KDSR: variants seen among roughly 807,000 people sequenced by gnomAD.
KDSR encodes the protein 3-dehydrosphinganine reductase.
Under a neutral mutation model 41.3 loss-of-function variants are expected in KDSR, and 23 were observed. That is an observed-to-expected ratio of 0.56 (90% confidence interval 0.40 to 0.79). The LOEUF is 0.79. KDSR is among the 30% of genes least tolerant of loss of function. The pLI, the probability that KDSR is intolerant of heterozygous loss-of-function variation, is 0.00. For synonymous variants in KDSR, 138 were observed against 151.7 expected, an observed-to-expected ratio of 0.91 and a Z score of 0.66; for missense variants, 351 against 416.8, an observed-to-expected ratio of 0.84 and a Z score of 1.37.
chr18:63,335,648 C>A, intron 8 of KDSR: 1 of 258,942 alleles, frequency 3.9e-6, no homozygotes, highest in Non-Finnish European at 7.3e-6. Context: ...AGTTTTGCCT[C>A]TGCAAAACTG....
At chr18:63,365,685 A>C (rs987081016) in intron 1 of KDSR, among the ~76,000 whole-genome samples, 2 of 152,228 alleles carry the variant, frequency 1.3e-5, no homozygotes, top group African/African-American at 2.4e-5. Flanking sequence ...TAGTTTTTGC[A>C]AAGTTATGCT....
rs139774388 is a variant in KDSR at position 63,359,753 on chromosome 18, A to G, written c.238T>C (p.Ser80Pro). The G allele has an allele frequency of 2.6e-5, 41 of 1,606,738 alleles. No homozygotes were observed. Among genetic ancestry groups the G allele is most frequent in the Non-Finnish European group, 3.4e-5 (40 of 1,174,422 alleles). ...LQAKKEIEMH[S>P]INDKQVVLCI... Reference sequence around the variant, plus strand: ...AGATTTACCTGTTTGTCATTAATAGAGTGCATTTCAATTTCTTTCTTTGCC... The same window carrying G: ...AGATTTACCTGTTTGTCATTAATAGGGTGCATTTCAATTTCTTTCTTTGCC... Residue 80 changes from serine to proline, a missense_variant, in exon 3 of 10, where the codon TCT becomes CCT. Transcript: ENST00000645214.
At position 63,331,258 on chromosome 18, in the gene KDSR, A is replaced by T. The variant is rs1430799899; in HGVS notation, c.*524T>A. Reference sequence around the variant, plus strand: ...CAACTCATCTTGAATAAAATACACAAAGAAAGAAAGAGAGAGAGAGAGAGA... The same window carrying T: ...CAACTCATCTTGAATAAAATACACATAGAAAGAAAGAGAGAGAGAGAGAGA... On this transcript the variant is annotated 3_prime_UTR_variant, in exon 10 of 10. Coordinates refer to ENST00000645214, the MANE Select transcript of KDSR (RefSeq NM_002035.4). 2 of 206,450 alleles carry T rather than the reference A, an allele frequency of 9.7e-6. No homozygotes were observed. Among genetic ancestry groups the T allele is most frequent in the East Asian group, 1.2e-4 (2 of 16,232 alleles). The allele number at this position is 206,450 out of a possible 1,614,324, so 12.8% of individuals were successfully genotyped here. A position where few individuals can be genotyped will look rare whatever the true frequency, so the allele number is the denominator to read the frequency against.
intron 6 of KDSR, chr18:63,345,131 A>G (rs1914461080): frequency 6.6e-6 from 1 of 152,326 alleles, no homozygotes; most frequent in Non-Finnish European, 1.5e-5. Flanking sequence ...ACCAACAAGA[A>G]CCACTGGGTA....
At chr18:63,332,525 C>T (rs970337399) in intron 9 of KDSR, among the ~76,000 whole-genome samples, 4 of 152,224 alleles carry the variant, frequency 2.6e-5, no homozygotes, top group Admixed American at 1.3e-4. Context: ...CATGAGTCCC[C>T]GTGCATAAGA....
At chr18:63,364,085 T>A (rs1051559953) in intron 1 of KDSR, among the ~76,000 whole-genome samples, 7 of 152,288 alleles carry the variant, frequency 4.6e-5, no homozygotes, top group Admixed American at 3.3e-4. Flanking sequence ...CACAGTACCT[T>A]GGCACATCCT....
In KDSR at chr18:63,336,526, C is replaced by T. The variant is rs78552483; in HGVS notation, c.778-1168G>A. ...TTGGAAAAACTAGTATCCACCATCA[C>T]GAGACTGTCAGCTGCATACTTTTAT... On this transcript the variant is annotated intron_variant, in intron 8 of 9. Transcript: ENST00000645214. 2.0e-3 allele frequency among the ~76,000 whole-genome samples: 300 copies of T among 152,270 alleles called. 5 individuals carry two copies. The East Asian group carries it at 0.05, about 25-fold the overall frequency.
chr18:63,329,839 A>G lies in KDSR; in HGVS notation c.*1943T>C, dbSNP rs1057244961. The G allele has an allele frequency of 5.1e-6, 1 of 194,930 alleles. No individual in the cohort carries two copies. The highest frequency in any genetic ancestry group is 2.3e-5 in the African/African-American group (1 of 43,182). 12.1% of individuals were successfully genotyped at this position (194,930 alleles called of 1,614,324 possible). A position where few individuals can be genotyped will look rare whatever the true frequency, so the allele number is the denominator to read the frequency against. On this transcript the variant is annotated 3_prime_UTR_variant, in exon 10 of 10. Transcript: ENST00000645214. ...TATGAGAAAAGAATAAAACTGAGAA[A>G]CATCCAGACATTAATGCAATTGTTT... is the stretch of plus-strand genomic sequence containing the variant.
chr18:63,329,761 A>C lies in KDSR; in HGVS notation c.*2021T>G. ...GTTATTAAATCAGACACTTTCTTGGACTAGATTCTAATATAGATCAGCAGT... is the reference window on the plus strand; with the variant it reads ...GTTATTAAATCAGACACTTTCTTGGCCTAGATTCTAATATAGATCAGCAGT... On this transcript the variant is annotated 3_prime_UTR_variant, in exon 10 of 10. Transcript: ENST00000645214. 1 of 194,480 alleles carries C rather than the reference A, an allele frequency of 5.1e-6. No homozygotes were observed. Among genetic ancestry groups the C allele is most frequent in the Non-Finnish European group, 1.1e-5 (1 of 93,414 alleles). The allele number at this position is 194,480 out of a possible 1,614,324, so 12.0% of individuals were successfully genotyped here.
chr18:63,332,028 A>C, intron 9 of KDSR, 127 bp from the exon 10 acceptor site: 1 of 978,306 alleles, frequency 1.0e-6, no homozygotes, highest in Admixed American at 2.9e-5. Context: ...TATAATGAAA[A>C]CTCTGTAAAT....
At chr18:63,358,896 A>G (rs1212925868) in intron 3 of KDSR, among the ~76,000 whole-genome samples, 2 of 150,348 alleles carry the variant, frequency 1.3e-5, no homozygotes, top group African/African-American at 4.9e-5. Context: ...AAAGAAAAAG[A>G]GGCAGGGCAC....
At chr18:63,362,695 G>T in intron 2 of KDSR, 84 bp downstream of exon 2, 1 of 874,704 alleles carries the variant, frequency 1.1e-6, no homozygotes. Context: ...TTCTAGGTGT[G>T]AATGCTAAGA....
At chr18:63,353,922 T>C (rs577440923) in intron 5 of KDSR, among the ~76,000 whole-genome samples, 1 of 152,260 alleles carries the variant, frequency 6.6e-6, no homozygotes, top group East Asian at 1.9e-4. Flanking sequence ...ATTGTGAATA[T>C]GCTGAATCCC....
chr18:63,357,594 A>ATATATT (rs1555715128), intron 3 of KDSR, among the ~76,000 whole-genome samples: 2 of 120,808 alleles, frequency 1.7e-5, no homozygotes, highest in East Asian at 2.4e-4. Flanking sequence ...ATATATATAT[A>ATATATT]TTTTTTTTTG....
chr18:63,360,791 A>G (rs1390256826), intron 2 of KDSR, among the ~76,000 whole-genome samples: 1 of 151,322 alleles, frequency 6.6e-6, no homozygotes, highest in Admixed American at 6.6e-5. Flanking sequence ...GGCTGAAGTG[A>G]GAGGATTGGT....
intron 7 of KDSR, among the ~76,000 whole-genome samples, chr18:63,343,397 T>A (rs1568277988): frequency 6.6e-6 from 1 of 150,952 alleles, no homozygotes; most frequent in Non-Finnish European, 1.5e-5. Flanking sequence ...TTTAATTTTT[T>A]TTTTTTTTAG....
At chr18:63,347,804 A>C (rs986314747) in intron 6 of KDSR, among the ~76,000 whole-genome samples, 1 of 152,132 alleles carries the variant, frequency 6.6e-6, no homozygotes, top group African/African-American at 2.4e-5. Flanking sequence ...CCAAAAGAGT[A>C]ACTTTTAAAA....
intron 3 of KDSR, among the ~76,000 whole-genome samples, chr18:63,357,591 TA>T (rs1355917980): frequency 2.0e-4 from 10 of 48,944 alleles, no homozygotes; most frequent in South Asian, 1.4e-3. Context: ...TATATATATA[TA>T]TATTTTTTTT....
intron 7 of KDSR, among the ~76,000 whole-genome samples, chr18:63,340,788 C>A (rs1914321655): frequency 6.6e-6 from 1 of 152,222 alleles, no homozygotes; most frequent in Non-Finnish European, 1.5e-5. Context: ...TAGCAATTTA[C>A]TAACCAGATT....
Sources: allele counts gnomAD v4.1 joint callset (sites outside exome capture counted in the v4.1 genomes callset), GRCh38; gene constraint gnomAD v4.1.1; transcripts MANE v1.5; gene names NCBI Gene and HGNC (gene_info 2026-07-23, HGNC 2026-07-21).